The following TUT1 variants were observed in gnomAD, a reference collection of about 807,000 sequenced individuals.
TUT1 encodes the protein speckle targeted PIP5K1A-regulated poly(A) polymerase.
TUT1 carries 26 observed loss-of-function variants against 48.8 expected under a neutral mutation model. That is an observed-to-expected ratio of 0.53 (90% CI 0.39 to 0.74). The LOEUF (loss-of-function observed/expected upper bound fraction) is 0.74, where lower values mean the gene tolerates loss of function less well. Among genes scored for constraint, TUT1 ranks in the 30% least tolerant of loss-of-function variants. The pLI is 0.00. For missense variants in TUT1, 1,065 were observed against 1,114.8 expected (o/e 0.96, Z 0.64); for synonymous variants, 470 against 460.8 (o/e 1.02, Z -0.26).
chr11:62,584,219 C>T lies in TUT1; in HGVS notation c.274-2518G>A, dbSNP rs111394397. Among the ~76,000 whole-genome samples the T allele has an allele frequency of 6.0e-3, 915 of 151,468 alleles. 9 individuals carry two copies. Among genetic ancestry groups the T allele is most frequent in the African/African-American group, 0.021 (868 of 41,212 alleles). On this transcript the variant is annotated intron_variant, in intron 2 of 8. Transcript: ENST00000476907. ...TCGGCTCATTATTACCTCTGCCTCC[C>T]GGGGTTCAAGCAATTATCCTACCTC... is the stretch of plus-strand genomic sequence containing the variant.
Position 62,578,733 on chromosome 11 carries a change from G to A in TUT1, c.988C>T (p.Pro330Ser), listed in dbSNP as rs749643199. Residue 330 changes from proline to serine, a missense_variant, in exon 5 of 9, where the codon CCA becomes TCA. Transcript: ENST00000476907. ...GCCCCCTCTGCTTTCTCCTCCTTTGGGGTCTCTGCTAGTTCCGAGGCCTTC... is the reference window on the plus strand; with the variant it reads ...GCCCCCTCTGCTTTCTCCTCCTTTGAGGTCTCTGCTAGTTCCGAGGCCTTC... The part of the protein sequence containing the change: ...LGKASELAET[P>S]KEEKAEGAAM... The A allele has an allele frequency of 3.7e-6, 6 of 1,614,094 alleles. No individual in the cohort carries two copies. In the East Asian group the frequency reaches 1.3e-4, roughly 36 times the overall value.
chr11:62,587,092 CAAAAAAA>C (rs202002182), intron 2 of TUT1, among the ~76,000 whole-genome samples: 1 of 108,324 alleles, frequency 9.2e-6, no homozygotes, highest in Non-Finnish European at 1.8e-5. Flanking sequence ...AACTCCCTCT[CAAAAAAA>C]AAAAAAAAAA....
chr11:62,591,290 A>G, intron 1 of TUT1, 114 bp downstream of exon 1: 1 of 1,415,846 alleles, frequency 7.1e-7, no homozygotes, highest in African/African-American at 1.4e-5. Flanking sequence ...GAGGTGAGAG[A>G]CCCTACCAAT....
chr11:62,578,087 AG>A (rs1250334211), intron 5 of TUT1, among the ~76,000 whole-genome samples: 1 of 138,710 alleles, frequency 7.2e-6, no homozygotes, highest in African/African-American at 2.6e-5. Context: ...AAAAAAAAAA[AG>A]TAGTATTCTA....
At chr11:62,591,306 TGACAA>T in intron 1 of TUT1, 93 bp downstream of exon 1, 1 of 1,433,782 alleles carries the variant, frequency 7.0e-7, no homozygotes, top group Non-Finnish European at 9.1e-7. Flanking sequence ...CCAATCAACT[TGACAA>T]GAACGACTGA....
At chr11:62,580,645 C>G (rs1941810190) in intron 4 of TUT1, among the ~76,000 whole-genome samples, 1 of 144,406 alleles carries the variant, frequency 6.9e-6, no homozygotes, top group African/African-American at 2.6e-5. Context: ...CTCTGTCACC[C>G]AGGCTGGAGT....
intron 2 of TUT1, among the ~76,000 whole-genome samples, chr11:62,587,986 C>T (rs900932506): frequency 6.6e-6 from 1 of 152,254 alleles, no homozygotes; most frequent in African/African-American, 2.4e-5. Flanking sequence ...ACTGGTTTAT[C>T]AACCAGGTTC....
At chr11:62,576,358 C>T (rs1941727903) in intron 8 of TUT1, 114 bp from the exon 9 acceptor site, 1 of 1,311,238 alleles carries the variant, frequency 7.6e-7, no homozygotes, top group African/African-American at 1.5e-5. Context: ...AGGGGCTCAG[C>T]AGAGTCCCAG....
chr11:62,584,442 T>A (rs1472061187), intron 2 of TUT1, among the ~76,000 whole-genome samples: 1 of 137,890 alleles, frequency 7.3e-6, no homozygotes, highest in Non-Finnish European at 1.6e-5. Context: ...ATTGTATACT[T>A]TTTTTTTTTT....
chr11:62,576,616 GAACATCATTACTAGT>G, intron 8 of TUT1, 26 bp downstream of exon 8: 6 of 1,545,056 alleles, frequency 3.9e-6, no homozygotes, highest in Non-Finnish European at 5.4e-6. Flanking sequence ...TACTGTTGAT[GAACATCATTACTAGT>G]CCTCTACCAG....
intron 2 of TUT1, among the ~76,000 whole-genome samples, chr11:62,587,654 T>G (rs752943288): frequency 5.9e-5 from 9 of 152,188 alleles, no homozygotes; most frequent in Non-Finnish European, 8.8e-5. Flanking sequence ...AAAACTAAAT[T>G]CCTATTGTTT....
At position 62,578,765 on chromosome 11, in the gene TUT1, T is replaced by C; in HGVS notation, c.956A>G (p.Asp319Gly). Residue 319 changes from aspartate to glycine, a missense_variant, in exon 5 of 9, where the codon GAC becomes GGC. Asp to Gly is a moderately conservative substitution (Grantham distance 94). Coordinates refer to ENST00000476907, the MANE Select transcript of TUT1 (RefSeq NM_022830.3). ...SPLLEDREEG[D>G]LGKASELAET... is the part of the protein sequence containing the mutation. The stretch of plus-strand genomic sequence containing the variant: ...TGCTAGTTCCGAGGCCTTCCCCAGG[T>C]CCCCCTCTTCCCTGTCCTCTAGCAG... 2 of 1,613,802 alleles carry C rather than the reference T, an allele frequency of 1.2e-6. No individual in the cohort carries two copies. Among genetic ancestry groups the C allele is most frequent in the Non-Finnish European group, 8.5e-7 (1 of 1,179,974 alleles).
At position 62,577,883 on chromosome 11, in the gene TUT1, G is replaced by A. The variant is rs562403612; in HGVS notation, c.1161-592C>T. Among the ~76,000 whole-genome samples, 17 of 151,842 alleles carry A rather than the reference G, an allele frequency of 1.1e-4. No individual in the cohort carries two copies. The East Asian group carries it at 2.1e-3, about 19-fold the overall frequency. ...TCGAGATCAGCCTGGGCAACACAGCGAAATCCCATCTCTACTAAAAATACA... is the reference window on the plus strand; with the variant it reads ...TCGAGATCAGCCTGGGCAACACAGCAAAATCCCATCTCTACTAAAAATACA... On this transcript the variant is annotated intron_variant, in intron 5 of 8. Transcript: ENST00000476907.
At position 62,576,189 on chromosome 11, in the gene TUT1, G is replaced by A; in HGVS notation, c.1530C>T (p.Ser510=). 1.2e-6 allele frequency: 2 copies of A among 1,609,462 alleles called. No homozygotes were observed. The highest frequency in any genetic ancestry group is 3.3e-4 in the Middle Eastern group (2 of 6,020). Residue 510 remains serine (S), a synonymous_variant, in exon 9 of 9, where the codon TCC becomes TCT. Coordinates refer to ENST00000476907, the MANE Select transcript of TUT1 (RefSeq NM_022830.3). ...SCVSCWDLRG[S]LLSLREGQAL... ...CCTGACCCTCCCGCAGGGACAGCAG[G>A]GAGCCACGAAGATCCCAACAAGATA...
Position 62,578,869 on chromosome 11 carries a change from G to A in TUT1, c.852C>T (p.Ser284=). Residue 284 remains serine (S), a synonymous_variant, in exon 5 of 9, where the codon TCC becomes TCT. Transcript: ENST00000476907. ...CAGAGTCCGGAGTTTGGGGCGCCAG[G>A]GAGGAGGAAGGGGTTTCAAAGTCCA... is the stretch of plus-strand genomic sequence containing the variant. ...EALDFETPSS[S]LAPQTPDSAL... is the part of the protein sequence containing the mutation. 6.2e-7 allele frequency: 1 copy of A among 1,611,620 alleles called. No individual in the cohort carries two copies. The highest frequency in any genetic ancestry group is 8.5e-7 in the Non-Finnish European group (1 of 1,178,532).
At chr11:62,579,846 A>G (rs1941796730) in intron 4 of TUT1, among the ~76,000 whole-genome samples, 1 of 151,824 alleles carries the variant, frequency 6.6e-6, no homozygotes, top group Admixed American at 6.6e-5. Context: ...TTGTATTTTT[A>G]GTAGAGACAG....
At chr11:62,580,997 C>T (rs1590719220) in intron 4 of TUT1, 109 bp downstream of exon 4, 1 of 788,272 alleles carries the variant, frequency 1.3e-6, no homozygotes. Context: ...GTCCTATTAT[C>T]TGCATTGTAG....
chr11:62,576,246 T>C lies in TUT1; in HGVS notation c.1475-2A>G. The C allele has an allele frequency of 6.4e-7, 1 of 1,565,864 alleles. No homozygotes were observed. On this transcript the variant is annotated splice_acceptor_variant, in intron 8 of 8. Transcript: ENST00000476907. LOFTEE classifies it high-confidence loss of function. ...AGAAGAACTGGGCTAGCAGGGAACCTGGAGGAGGAGGAAGAGTGGGGAAAG... is the reference window on the plus strand; with the variant it reads ...AGAAGAACTGGGCTAGCAGGGAACCCGGAGGAGGAGGAAGAGTGGGGAAAG...
chr11:62,586,075 G>A (rs895296217), intron 2 of TUT1, among the ~76,000 whole-genome samples: 1 of 152,170 alleles, frequency 6.6e-6, no homozygotes, highest in Non-Finnish European at 1.5e-5. Context: ...CCAAGTTCGC[G>A]CCACTGCATT....
Sources: allele counts gnomAD v4.1 joint callset (sites outside exome capture counted in the v4.1 genomes callset), GRCh38; gene constraint gnomAD v4.1.1; transcripts MANE v1.5; gene names NCBI Gene and HGNC (gene_info 2026-07-23, HGNC 2026-07-21).